The following PRR14L variants were observed in gnomAD, a reference collection of about 807,000 sequenced individuals.
PRR14L encodes the protein proline rich 14 like, also known as protein PRR14L.
A neutral mutation model predicts 155.0 loss-of-function variants in PRR14L; 80 were observed. The observed-to-expected ratio is 0.52, with a 90% CI of 0.43 to 0.62. The LOEUF is 0.62. Among genes scored for constraint, PRR14L ranks in the 20% least tolerant of loss-of-function variants. The probability of loss-of-function intolerance (pLI) is 0.00; values close to 1 mark genes in which losing one functional copy is unlikely to be tolerated. For synonymous variants in PRR14L, 883 were observed against 916.0 expected (o/e 0.96, Z 0.65); for missense variants, 2,469 against 2,548.0 (o/e 0.97, Z 0.67).
At position 31,717,284 on chromosome 22, in the gene PRR14L, A is replaced by G; in HGVS notation, c.555T>C (p.Asn185=). 2 of 1,539,682 alleles carry G rather than the reference A, an allele frequency of 1.3e-6. No homozygotes were observed. The highest frequency in any genetic ancestry group is 1.8e-6 in the Non-Finnish European group (2 of 1,141,244). ...GCAGAGTTTCAGCTGTAATCTGTACATTTCCTTCTGAATAAGAGAAATAAA... is the reference window on the plus strand; with the variant it reads ...GCAGAGTTTCAGCTGTAATCTGTACGTTTCCTTCTGAATAAGAGAAATAAA... The part of the protein sequence containing the change: ...PEDFLRSKEG[N]VQITAETLLK... Residue 185 remains asparagine (N), a synonymous_variant, in exon 4 of 9, where the codon AAT becomes AAC. Transcript: ENST00000327423.
chr22:31,714,623 C>G lies in PRR14L; in HGVS notation c.3216G>C (p.Lys1072Asn). 2 of 1,551,984 alleles carry G rather than the reference C, an allele frequency of 1.3e-6. No homozygotes were observed. The highest frequency in any genetic ancestry group is 1.7e-6 in the Non-Finnish European group (2 of 1,147,076). ...NKLAEGVLDV[K>N]ASNLLDCGAR... ...CACCACAATCCAGTAGATTAGATGC[C>G]TTCACGTCCAGCACACCTTCTGCAA... The change falls in exon 4 of 9, where the codon AAG becomes AAC. Residue 1072 changes from lysine (K) to asparagine (N), a missense_variant. Physicochemically the swap from Lys to Asn is moderately conservative, Grantham distance 94. This residue lies in a region of PRR14L where 2,363 missense variants were observed against 2,371.6 expected (regional missense o/e 1.00). Coordinates refer to ENST00000327423, the MANE Select transcript of PRR14L (RefSeq NM_173566.3).
rs1456038402 is a variant in PRR14L, at chr22:31,712,524, C to A, written c.5315G>T (p.Cys1772Phe). The A allele has an allele frequency of 1.3e-6, 2 of 1,551,808 alleles. No homozygotes were observed. Among genetic ancestry groups the A allele is most frequent in the Non-Finnish European group, 1.7e-6 (2 of 1,147,020 alleles). ...TTCCCTGAATGTTGCCATCCCAGGG[C>A]AACCGTGGGACAAGAAGAAAGAAAA... Reference protein sequence around the residue: ...WTFSFFLSHGCPGMATFREDT... With the variant: ...WTFSFFLSHGFPGMATFREDT... Residue 1772 changes from cysteine (C) to phenylalanine (F), a missense_variant, in exon 4 of 9, where the codon TGC becomes TTC. Physicochemically the swap from Cys to Phe is radical, Grantham distance 205. Transcript: ENST00000327423.
rs1439768191 is a variant in PRR14L, at chr22:31,715,765, G to A, written c.2074C>T (p.Pro692Ser). 8 of 1,551,818 alleles carry A rather than the reference G, an allele frequency of 5.2e-6. No homozygotes were observed. Among genetic ancestry groups the A allele is most frequent in the African/African-American group, 1.4e-5 (1 of 73,038 alleles). The change falls in exon 4 of 9, where the codon CCT becomes TCT. Residue 692 changes from proline to serine, a missense_variant. Physicochemically the swap from Pro to Ser is moderately conservative, Grantham distance 74. Transcript: ENST00000327423. ...ACATCTGCTCTACCCTCTAATGGAG[G>A]GTGATGGCTCTGATGGGCATCTCTG... Reference protein sequence around the residue: ...TGRDAHQSHHPPLEGRADVIA... With the variant: ...TGRDAHQSHHSPLEGRADVIA...
rs2074643681 is a variant in PRR14L, at chr22:31,714,578, T to C, written c.3261A>G (p.Ala1087=). Residue 1087 remains alanine (A), a synonymous_variant, in exon 4 of 9, where the codon GCA becomes GCG. Transcript: ENST00000327423. ...LDCGARQEKL[A]FQEDSRSTLS... ...AGGTACTCCTGGAGTCCTCTTGAAATGCCAGTTTCTCTTGCCTTGCACCAC... is the reference window on the plus strand; with the variant it reads ...AGGTACTCCTGGAGTCCTCTTGAAACGCCAGTTTCTCTTGCCTTGCACCAC... The C allele has an allele frequency of 1.3e-6, 2 of 1,551,880 alleles. No homozygotes were observed. The highest frequency in any genetic ancestry group is 1.2e-5 in the South Asian group (1 of 84,068).
At chr22:31,737,131 G>T (rs2074786272) in intron 2 of PRR14L, among the ~76,000 whole-genome samples, 2 of 151,820 alleles carry the variant, frequency 1.3e-5, no homozygotes. Context: ...CTGACCCCTG[G>T]GTTAGAAAAC....
intron 1 of PRR14L, among the ~76,000 whole-genome samples, chr22:31,746,909 G>A (rs1167765663): frequency 3.3e-5 from 5 of 150,200 alleles, no homozygotes; most frequent in East Asian, 2.0e-4. Flanking sequence ...CCATTCTCCT[G>A]CCTCAGCCTC....
intron 3 of PRR14L, among the ~76,000 whole-genome samples, chr22:31,725,159 C>G (rs1046813789): frequency 6.6e-6 from 1 of 152,142 alleles, no homozygotes; most frequent in Non-Finnish European, 1.5e-5. Context: ...CTTTGTGGGG[C>G]AGAGGCAGGA....
intron 2 of PRR14L, among the ~76,000 whole-genome samples, chr22:31,732,788 T>C (rs2074757190): frequency 6.6e-6 from 1 of 152,144 alleles, no homozygotes; most frequent in Non-Finnish European, 1.5e-5. Flanking sequence ...CACCTGGAAA[T>C]CACTCCATAT....
Position 31,717,167 on chromosome 22 carries a change from G to C in PRR14L, c.672C>G (p.Leu224=), listed in dbSNP as rs2074665034. 1 of 1,552,156 alleles carries C rather than the reference G, an allele frequency of 6.4e-7. No homozygotes were observed. The highest frequency in any genetic ancestry group is 1.4e-5 in the African/African-American group (1 of 73,044). Residue 224 remains leucine, a synonymous_variant, in exon 4 of 9, where the codon CTC becomes CTG. Transcript: ENST00000327423. The part of the protein sequence containing the change: ...GHKNGNVSKD[L]SAGCGEFQEV... ...CTTGGAATTCACCGCATCCAGCTGA[G>C]AGATCTTTACTCACATTGCCATTTT...
At chr22:31,703,946 C>T (rs796842657) in intron 5 of PRR14L, among the ~76,000 whole-genome samples, 3 of 151,968 alleles carry the variant, frequency 2.0e-5, no homozygotes, top group South Asian at 2.1e-4. Context: ...TACAGGCATG[C>T]GCCACCACGC....
chr22:31,696,086 C>T (rs1301268025), intron 7 of PRR14L, among the ~76,000 whole-genome samples: 1 of 151,962 alleles, frequency 6.6e-6, no homozygotes, highest in Non-Finnish European at 1.5e-5. Flanking sequence ...TACACGAGAA[C>T]CCGGCTGTAG....
rs777586838 is a variant in PRR14L at position 31,738,393 on chromosome 22, C to T, written c.468G>A (p.Pro156=). ...TGGAGATTTCATTTCTTACCTGACT[C>T]GGGCTAGTCTTTTCTTCAGCAGCTG... ...HSTAAEEKTS[P]SQEDLLMQSS... is the part of the protein sequence containing the mutation. The change falls in exon 2 of 9, where the codon CCG becomes CCA. Residue 156 remains proline (P), a synonymous_variant. Transcript: ENST00000327423. The T allele has an allele frequency of 1.7e-5, 27 of 1,551,094 alleles. No homozygotes were observed. The highest frequency in any genetic ancestry group is 2.2e-5 in the Non-Finnish European group (25 of 1,146,332).
intron 2 of PRR14L, among the ~76,000 whole-genome samples, chr22:31,736,492 A>G (rs879859346): frequency 1.3e-5 from 2 of 152,126 alleles, no homozygotes; most frequent in Non-Finnish European, 2.9e-5. Flanking sequence ...GAAGCCCACT[A>G]ACAACAATTA....
chr22:31,697,919 C>T (rs1458355876), intron 7 of PRR14L, among the ~76,000 whole-genome samples: 1 of 152,118 alleles, frequency 6.6e-6, no homozygotes, highest in Non-Finnish European at 1.5e-5. Context: ...GACTACCAAA[C>T]ACTTGAAGTG....
intron 4 of PRR14L, among the ~76,000 whole-genome samples, chr22:31,709,546 T>G (rs1229339772): frequency 1.4e-5 from 2 of 141,896 alleles, no homozygotes; most frequent in African/African-American, 5.2e-5. Context: ...TTTTTTTTTT[T>G]TTTTTTTTTT....
chr22:31,721,958 T>C (rs1392790519), intron 3 of PRR14L, among the ~76,000 whole-genome samples: 1 of 152,040 alleles, frequency 6.6e-6, no homozygotes, highest in Admixed American at 6.6e-5. Context: ...ACTAAACAAC[T>C]TGGTGCAGGG....
chr22:31,746,970 T>A (rs551124617), intron 1 of PRR14L, among the ~76,000 whole-genome samples: 3 of 151,658 alleles, frequency 2.0e-5, no homozygotes, highest in African/African-American at 4.8e-5. Flanking sequence ...CTAATTTTTT[T>A]ATTTTTTTTA....
chr22:31,696,569 A>T (rs1005656800), intron 7 of PRR14L, among the ~76,000 whole-genome samples: 7 of 152,166 alleles, frequency 4.6e-5, no homozygotes, highest in African/African-American at 1.7e-4. Context: ...TACCATACCC[A>T]GCTCAATCTC....
At position 31,715,901 on chromosome 22, in the gene PRR14L, T is replaced by G; in HGVS notation, c.1938A>C (p.Val646=). The change falls in exon 4 of 9, where the codon GTA becomes GTC. Residue 646 remains valine, a synonymous_variant. Coordinates refer to ENST00000327423, the MANE Select transcript of PRR14L (RefSeq NM_173566.3). ...GTTGATTTAAAACACATTCACTTTC[T>G]ACTTTGTTTACAACCAGTTCATTGG... The part of the protein sequence containing the change: ...SCTNELVVNK[V]ESECVLNQQV... 6.4e-7 allele frequency: 1 copy of G among 1,551,626 alleles called. No homozygotes were observed. The highest frequency in any genetic ancestry group is 8.7e-7 in the Non-Finnish European group (1 of 1,146,838).
Sources: gnomAD v4.1 joint callset for allele counts (sites outside exome capture counted in the v4.1 genomes callset) on GRCh38, gnomAD v4.1.1 for gene constraint, gnomAD v4.1.1 regional missense constraint, MANE v1.5 for transcripts, NCBI Gene and HGNC (gene_info 2026-07-23, HGNC 2026-07-21) for gene names.